Variants in ZNF219 observed in about 807,000 individuals in gnomAD.
ZNF219 encodes zinc finger protein 219.
A neutral mutation model predicts 54.4 loss-of-function variants in ZNF219; 17 were observed. The observed-to-expected ratio is 0.31, with a 90% CI of 0.21 to 0.47. The LOEUF is 0.47. Among genes scored for constraint, ZNF219 ranks in the 20% least tolerant of loss-of-function variants. The pLI, the probability that ZNF219 is intolerant of heterozygous loss-of-function variation, is 1.00. For synonymous variants in ZNF219, 518 were observed against 476.4 expected, an observed-to-expected ratio of 1.09 and a Z score of -1.14; for missense variants, 1,014 against 1,062.3, an observed-to-expected ratio of 0.95 and a Z score of 0.63.
At chr14:21,103,490 C>T (rs145365080), upstream of ZNF219, 100 of 590,326 alleles carry the variant, frequency 1.7e-4, no homozygotes, top group African/African-American at 1.4e-3. Flanking sequence ...TTCCTGTCAC[C>T]TCCCCATACA....
chr14:21,090,765 C>T lies in ZNF219; in HGVS notation c.1940G>A (p.Arg647His), dbSNP rs1388599524. 11 of 1,603,474 alleles carry T rather than the reference C, an allele frequency of 6.9e-6. No homozygotes were observed. Among genetic ancestry groups the T allele is most frequent in the South Asian group, 1.1e-5 (1 of 89,690 alleles). The part of the protein sequence containing the change: ...GEAGPGGALH[R>H]CLFCPFATGA... ...AGTGGCGAACGGGCAGAAGAGGCAG[C>T]GGTGGAGGGCACCCCCAGGCCCGGC... Residue 647 changes from arginine (R) to histidine (H), a missense_variant, in exon 5 of 5, where the codon CGC becomes CAC. Arg to His is a conservative substitution (Grantham distance 29). Around this residue, in one of 5 missense-constraint regions of ZNF219, gnomAD observed 281 missense variants for 271.2 expected, o/e 1.04. Coordinates refer to ENST00000360947, the MANE Select transcript of ZNF219 (RefSeq NM_016423.3). This position sits in a 1 kb window ranked among gnomAD's most constrained non-coding sequence, Gnocchi z 4.4.
rs1383499695 is a variant in ZNF219, at chr14:21,092,336, T to C, written c.961A>G (p.Met321Val). The stretch of plus-strand genomic sequence containing the variant: ...CCCAGCTTGCTGGCGTGCACCTTCA[T>C]GTGGTTCTTAAGGAACCAGGGCTCC... ...FKEPWFLKNH[M>V]KVHASKLGPL... Residue 321 changes from methionine (M) to valine (V), a missense_variant, in exon 3 of 5, where the codon ATG (methionine) becomes GTG (valine). Around this residue, in one of 5 missense-constraint regions of ZNF219, gnomAD observed 28 missense variants for 59.8 expected, o/e 0.47. Coordinates refer to ENST00000360947, the MANE Select transcript of ZNF219 (RefSeq NM_016423.3). 1.9e-6 allele frequency: 3 copies of C among 1,573,270 alleles called. No individual in the cohort carries two copies. The Admixed American group carries it at 5.4e-5, about 28-fold the overall frequency.
rs779840650 is a variant in ZNF219 at position 21,093,309 on chromosome 14, G to C, written c.7-19C>G. The C allele has an allele frequency of 3.9e-6, 6 of 1,556,458 alleles. No homozygotes were observed. The East Asian group carries it at 1.3e-4, about 35-fold the overall frequency. On this transcript the variant is annotated intron_variant, in intron 2 of 4. Transcript: ENST00000360947. The stretch of plus-strand genomic sequence containing the variant: ...GTGAGCCCTGTGGAGAAAGATCTGC[G>C]TAGAGCAAAGGGTGAAGGTAGAGCT...
At position 21,092,541 on chromosome 14, in the gene ZNF219, GGGCTCCGGCTCC is replaced by G; in HGVS notation, c.744_755del (p.Pro250_Glu253del). ...CTGGGGTCGGGGTTGCCTCACGTTCGGGCTCCGGCTCCGGCTCCGGCTGGGGGACTGATCTGG... is the reference window on the plus strand; with the variant it reads ...CTGGGGTCGGGGTTGCCTCACGTTCGGGCTCCGGCTGGGGGACTGATCTGG... On this transcript the variant is annotated inframe_deletion, in exon 3 of 5. Transcript: ENST00000360947. 6.5e-7 allele frequency: 1 copy of G among 1,549,136 alleles called. No individual in the cohort carries two copies. Among genetic ancestry groups the G allele is most frequent in the Non-Finnish European group, 8.7e-7 (1 of 1,146,444 alleles).
At chr14:21,101,436 C>A (rs1007006986), upstream of ZNF219, 2 of 1,551,518 alleles carry the variant, frequency 1.3e-6, no homozygotes, top group East Asian at 2.4e-5. Context: ...AGAGTGGGCA[C>A]CTCTTGGTGC....
At chr14:21,101,801 G>C, upstream of ZNF219, 2 of 1,298,408 alleles carry the variant, frequency 1.5e-6, no homozygotes, top group African/African-American at 1.5e-5. Flanking sequence ...TAAAGAGGTA[G>C]GAGTTACGAG....
upstream of ZNF219, chr14:21,099,006 G>T: frequency 2.6e-6 from 1 of 383,152 alleles, no homozygotes; most frequent in Non-Finnish European, 4.3e-6. Context: ...GGTCCTTTCC[G>T]TTCTTGATAA....
At chr14:21,098,806 C>G, upstream of ZNF219, 2 of 1,287,532 alleles carry the variant, frequency 1.6e-6, no homozygotes, top group Non-Finnish European at 2.0e-6. Context: ...TAAACCCGGA[C>G]ATACCAGGGA....
rs377254182 is a variant in ZNF219 at position 21,093,595 on chromosome 14, C to T, written c.-4G>A. On this transcript the variant is annotated 5_prime_UTR_variant, in exon 2 of 5. Coordinates refer to ENST00000360947, the MANE Select transcript of ZNF219 (RefSeq NM_016423.3). ...CCAGAGCTTCACTCACCTCCATGGA[C>T]CCCCTTCACATTCTTTGGTTCTGGG... The T allele has an allele frequency of 1.1e-5, 17 of 1,613,974 alleles. No homozygotes were observed. In the African/African-American group the frequency reaches 1.9e-4, roughly 18 times the overall value.
intron 1 of ZNF219, chr14:21,104,157 G>C (rs1889822401): frequency 6.6e-6 from 1 of 152,188 alleles, no homozygotes; most frequent in Non-Finnish European, 1.5e-5. Context: ...GCAGAGGGAG[G>C]GACCCTGCGA....
At chr14:21,103,105 C>G, upstream of ZNF219, 1 of 1,551,570 alleles carries the variant, frequency 6.4e-7, no homozygotes, top group Non-Finnish European at 8.7e-7. Context: ...TTTCTCACCT[C>G]TACAATTTGC....
upstream of ZNF219, chr14:21,102,682 G>A (rs1451346013): frequency 6.4e-7 from 1 of 1,551,590 alleles, no homozygotes; most frequent in South Asian, 1.2e-5. Context: ...TTCACCCTAG[G>A]GGGAGTGCTG....
intron 1 of ZNF219, among the ~76,000 whole-genome samples, chr14:21,095,376 G>T (rs371875091): frequency 6.7e-4 from 102 of 152,354 alleles, no homozygotes; most frequent in African/African-American, 2.4e-3. Context: ...CACAAAAGGT[G>T]AATTAGAATA....
intron 1 of ZNF219, among the ~76,000 whole-genome samples, chr14:21,096,787 G>C (rs929913700): frequency 6.6e-6 from 1 of 152,204 alleles, no homozygotes; most frequent in South Asian, 2.1e-4. Context: ...AGGATGGAAT[G>C]GTTGGTGAAA....
upstream of ZNF219, chr14:21,102,185 C>A (rs1889684452): frequency 6.7e-7 from 1 of 1,498,484 alleles, no homozygotes; most frequent in African/African-American, 1.4e-5. Flanking sequence ...CAACCCTCAG[C>A]CTAGGAAGTA....
chr14:21,103,410 C>T, upstream of ZNF219: 1 of 1,284,502 alleles, frequency 7.8e-7, no homozygotes, highest in East Asian at 2.5e-5. Flanking sequence ...GGAAGATACA[C>T]CTGGACGAGA....
upstream of ZNF219, chr14:21,101,889 G>A: frequency 1.9e-6 from 3 of 1,551,580 alleles, no homozygotes; most frequent in Non-Finnish European, 2.6e-6. Flanking sequence ...GCTGGCAGTG[G>A]TTGTGGTGCC....
At chr14:21,103,758 C>A (rs1230759875), upstream of ZNF219, 5 of 154,772 alleles carry the variant, frequency 3.2e-5, no homozygotes, top group Non-Finnish European at 7.2e-5. Context: ...TGACGCGAGG[C>A]GGGGAAGTCG....
At chr14:21,102,497 C>A, upstream of ZNF219, 3 of 1,551,706 alleles carry the variant, frequency 1.9e-6, no homozygotes, top group Non-Finnish European at 2.6e-6. Flanking sequence ...TGGGGCCTGC[C>A]CCAACTGCCT....
Sources: allele counts gnomAD v4.1 joint callset (sites outside exome capture counted in the v4.1 genomes callset), GRCh38; gene constraint gnomAD v4.1.1; regional missense constraint gnomAD v4.1.1; non-coding constraint Gnocchi (gnomAD v3.1); transcripts MANE v1.5; gene names NCBI Gene and HGNC (gene_info 2026-07-23, HGNC 2026-07-21).